The following UBE4A variants were observed in gnomAD, a reference collection of about 807,000 sequenced individuals.
UBE4A encodes the protein ubiquitin conjugation factor E4 A.
A neutral mutation model predicts 117.9 loss-of-function variants in UBE4A; 48 were observed. That is an observed-to-expected ratio of 0.41 (90% confidence interval 0.32 to 0.52). The LOEUF is 0.52. Among genes scored for constraint, UBE4A ranks in the 20% least tolerant of loss-of-function variants. The probability of loss-of-function intolerance (pLI) is 0.33; values close to 1 mark genes in which losing one functional copy is unlikely to be tolerated. For synonymous variants in UBE4A, 407 were observed against 450.0 expected, an observed-to-expected ratio of 0.90 and a Z score of 1.21; for missense variants, 1,067 against 1,296.3, an observed-to-expected ratio of 0.82 and a Z score of 2.72.
intron 11 of UBE4A, among the ~76,000 whole-genome samples, chr11:118,380,970 A>T (rs1226743646): frequency 1.3e-5 from 2 of 152,208 alleles, no homozygotes; most frequent in African/African-American, 4.8e-5. Flanking sequence ...ACTCTGAAAG[A>T]GTGAATGTGG....
chr11:118,365,060 T>C lies in UBE4A; in HGVS notation c.-21T>C. On this transcript the variant is annotated 5_prime_UTR_variant, in exon 2 of 20. It removes an upstream start codon present in the reference 5' UTR. Coordinates refer to ENST00000252108, the MANE Select transcript of UBE4A (RefSeq NM_001204077.2). ...AACAGCCTCTCCCACTAGGTCTGGA[T>C]GGAGGATACCTTAAAGTGAAATGAC... is the stretch of plus-strand genomic sequence containing the variant. 6.2e-7 allele frequency: 1 copy of C among 1,612,876 alleles called. No homozygotes were observed. Among genetic ancestry groups the C allele is most frequent in the South Asian group, 1.1e-5 (1 of 90,848 alleles).
In UBE4A at chr11:118,386,720, T is replaced by C. The variant is rs1008123469; in HGVS notation, c.2587+108T>C. On this transcript the variant is annotated intron_variant, in intron 16 of 19. Coordinates refer to ENST00000252108, the MANE Select transcript of UBE4A (RefSeq NM_001204077.2). The stretch of plus-strand genomic sequence containing the variant: ...AAGAATTCAGACCCTGGTGACAGTA[T>C]CCTCCACATCTGGAAGGGAAACGAA... The C allele has an allele frequency of 2.4e-5, 29 of 1,209,972 alleles. No individual in the cohort carries two copies. In the Admixed American group the frequency reaches 7.7e-4, roughly 32 times the overall value. 75.0% of individuals were successfully genotyped at this position (1,209,972 alleles called of 1,614,324 possible).
chr11:118,373,028 TGTA>T lies in UBE4A; in HGVS notation c.722-57_722-55del, dbSNP rs554601068. 1.1e-4 allele frequency: 162 copies of T among 1,427,736 alleles called. No homozygotes were observed. The African/African-American group carries it at 2.0e-3, about 18-fold the overall frequency. The allele number at this position is 1,427,736 out of a possible 1,614,324, so 88.4% of individuals were successfully genotyped here. On this transcript the variant is annotated intron_variant, in intron 6 of 19. Coordinates refer to ENST00000252108, the MANE Select transcript of UBE4A (RefSeq NM_001204077.2). ...AATTATTGAAAGTAAAGAGCTAGTG[TGTA>T]AAGGCATATAAAAATTCTTGTGCCC...
intron 16 of UBE4A, among the ~76,000 whole-genome samples, chr11:118,389,251 G>A (rs1326480978): frequency 6.6e-6 from 1 of 152,156 alleles, no homozygotes; most frequent in African/African-American, 2.4e-5. Flanking sequence ...GTGTGACTGA[G>A]GAATGGATTT....
At chr11:118,375,687 G>GAA (rs782817548) in intron 9 of UBE4A, among the ~76,000 whole-genome samples, 1 of 144,844 alleles carries the variant, frequency 6.9e-6, no homozygotes. Context: ...ATGTTTGAGA[G>GAA]AAAAAAAAAA....
intron 4 of UBE4A, 27 bp downstream of exon 4, chr11:118,369,562 G>A: frequency 6.3e-7 from 1 of 1,579,728 alleles, no homozygotes; most frequent in Non-Finnish European, 8.7e-7. Context: ...CCTAATGTGT[G>A]CCCTTAGCAA....
Position 118,371,540 on chromosome 11 carries a change from A to T in UBE4A, c.435A>T (p.Gln145His). The T allele has an allele frequency of 6.2e-7, 1 of 1,613,460 alleles. No individual in the cohort carries two copies. The highest frequency in any genetic ancestry group is 1.1e-5 in the South Asian group (1 of 91,018). ...EQALFARLLLQDPGNHLINMT... is the reference protein window; with the variant it reads ...EQALFARLLLHDPGNHLINMT... ...CCCTCTTCGCTCGCTTATTACTTCA[A>T]GATCCAGGCAACCACTTAATTAACA... Residue 145 changes from glutamine (Q) to histidine (H), a missense_variant, in exon 5 of 20, where the codon CAA (glutamine) becomes CAT (histidine). By Grantham distance (24) the Gln-to-His change is conservative. This residue lies in a region of UBE4A where 1,001 missense variants were observed against 1,184.0 expected (regional missense o/e 0.85). Transcript: ENST00000252108.
At position 118,377,969 on chromosome 11, in the gene UBE4A, C is replaced by T. The variant is rs573142716; in HGVS notation, c.1571+1275C>T. On this transcript the variant is annotated intron_variant, in intron 10 of 19. Coordinates refer to ENST00000252108, the MANE Select transcript of UBE4A (RefSeq NM_001204077.2). ...CTGGTGATAAAAGATGAAGTTCAGC[C>T]GGGCGCAGTGGCTCATGCCTATAAT... is the stretch of plus-strand genomic sequence containing the variant. Among the ~76,000 whole-genome samples, 107 of 150,452 alleles carry T rather than the reference C, an allele frequency of 7.1e-4. 1 individual carries two copies. The highest frequency in any genetic ancestry group is 2.3e-3 in the African/African-American group (96 of 40,920).
At chr11:118,386,353 T>A (rs1189543745) in intron 15 of UBE4A, 85 bp from the exon 16 acceptor site, 2 of 1,461,658 alleles carry the variant, frequency 1.4e-6, no homozygotes, top group Non-Finnish European at 1.8e-6. Flanking sequence ...CTTAGTTGAC[T>A]GGATTTTGAA....
chr11:118,374,726 TTA>T (rs1291559855), intron 8 of UBE4A, among the ~76,000 whole-genome samples, 168 bp from the exon 9 acceptor site: 1 of 152,248 alleles, frequency 6.6e-6, no homozygotes, highest in Non-Finnish European at 1.5e-5. Flanking sequence ...AGAAAATCTC[TTA>T]TAAGTGCCCA....
chr11:118,380,550 C>G (rs1948695974), intron 11 of UBE4A, among the ~76,000 whole-genome samples: 2 of 152,034 alleles, frequency 1.3e-5, no homozygotes, highest in African/African-American at 4.8e-5. Context: ...CTACTGTACT[C>G]CAGCCTGGGT....
At chr11:118,392,631 A>T in intron 18 of UBE4A, 107 bp from the exon 19 acceptor site, 1 of 1,089,902 alleles carries the variant, frequency 9.2e-7, no homozygotes, top group Non-Finnish European at 1.3e-6. Context: ...AAGGGTTATT[A>T]ATGACCTGTT....
At chr11:118,380,980 G>A (rs553525884) in intron 11 of UBE4A, among the ~76,000 whole-genome samples, 1 of 152,278 alleles carries the variant, frequency 6.6e-6, no homozygotes, top group African/African-American at 2.4e-5. Context: ...AGTGAATGTG[G>A]GAGGGGACTG....
At chr11:118,369,566 T>A (rs372086350) in intron 4 of UBE4A, 31 bp downstream of exon 4, 1 of 1,520,232 alleles carries the variant, frequency 6.6e-7, no homozygotes, top group East Asian at 2.3e-5. Context: ...ATGTGTGCCC[T>A]TAGCAAAAAT....
intron 4 of UBE4A, 150 bp downstream of exon 4, chr11:118,369,685 A>T: frequency 1.7e-6 from 1 of 600,962 alleles, no homozygotes; most frequent in Non-Finnish European, 2.9e-6. Context: ...AGGCCAAGTA[A>T]CCTGGATGTG....
intron 1 of UBE4A, among the ~76,000 whole-genome samples, chr11:118,363,319 A>C (rs562343557): frequency 5.9e-5 from 9 of 152,094 alleles, no homozygotes; most frequent in Non-Finnish European, 1.3e-4. Flanking sequence ...CGGTGGGAGG[A>C]TCACTTGAGG....
At position 118,373,647 on chromosome 11, in the gene UBE4A, C is replaced by A; in HGVS notation, c.1078C>A (p.Pro360Thr). ...GYFLNPSRSS[P>T]QEIKVQEANI... ...CTTTTTGAATCCATCTCGTTCCAGCCCCCAGGAGATCAAAGTACAGGAGGC... is the reference window on the plus strand; with the variant it reads ...CTTTTTGAATCCATCTCGTTCCAGCACCCAGGAGATCAAAGTACAGGAGGC... Residue 360 changes from proline to threonine, a missense_variant, in exon 8 of 20, where the codon CCC (proline) becomes ACC (threonine). Around this residue, in one of 3 missense-constraint regions of UBE4A, gnomAD observed 1,001 missense variants for 1,184.0 expected, o/e 0.85. Coordinates refer to ENST00000252108, the MANE Select transcript of UBE4A (RefSeq NM_001204077.2). 1.9e-6 allele frequency: 3 copies of A among 1,614,080 alleles called. No homozygotes were observed. The highest frequency in any genetic ancestry group is 2.5e-6 in the Non-Finnish European group (3 of 1,180,012).
chr11:118,372,400 A>G (rs577821452), intron 5 of UBE4A, 107 bp from the exon 6 acceptor site: 5 of 1,124,508 alleles, frequency 4.4e-6, no homozygotes, highest in Admixed American at 3.5e-5. Context: ...TTAATTTTCA[A>G]GCATCCACAG....
Position 118,375,073 on chromosome 11 carries a change from G to A in UBE4A, c.1294G>A (p.Asp432Asn). The change falls in exon 9 of 20, where the codon GAT becomes AAT. Residue 432 changes from aspartate to asparagine, a missense_variant. Around this residue, in one of 3 missense-constraint regions of UBE4A, gnomAD observed 1,001 missense variants for 1,184.0 expected, o/e 0.85. Transcript: ENST00000252108. ...PEIFFQMYASDAFFLNLGAAL... is the reference protein window; with the variant it reads ...PEIFFQMYASNAFFLNLGAAL... The stretch of plus-strand genomic sequence containing the variant: ...AATCTTTTTCCAAATGTATGCCTCA[G>A]ATGCTTTCTTTCTGAATCTGGGTGC... 2.5e-6 allele frequency: 4 copies of A among 1,614,222 alleles called. No individual in the cohort carries two copies. The highest frequency in any genetic ancestry group is 3.4e-6 in the Non-Finnish European group (4 of 1,180,044).
Sources: gnomAD v4.1 joint callset for allele counts (sites outside exome capture counted in the v4.1 genomes callset) on GRCh38, gnomAD v4.1.1 for gene constraint, gnomAD v4.1.1 regional missense constraint, MANE v1.5 for transcripts, NCBI Gene and HGNC (gene_info 2026-07-23, HGNC 2026-07-21) for gene names.